NCAM2: variants seen among roughly 807,000 people sequenced by gnomAD.
The protein encoded by NCAM2 is neural cell adhesion molecule 2, also known as N-CAM-2.
In NCAM2, 30 loss-of-function variants were observed where a neutral mutation model predicts 98.1. The observed-to-expected ratio is 0.31, with a 90% CI of 0.23 to 0.41. NCAM2 has a LOEUF of 0.41. Ranked by LOEUF, NCAM2 falls within the 10% of genes least tolerant of loss-of-function variation. The pLI is 1.00. For missense variants in NCAM2, 867 were observed against 1,005.8 expected (o/e 0.86, Z 1.87); for synonymous variants, 368 against 342.4 (o/e 1.07, Z -0.83).
Position 21,118,067 on chromosome 21 carries a change from A to C in NCAM2, c.55+119449A>C, listed in dbSNP as rs144624597. 2.8e-3 allele frequency among the ~76,000 whole-genome samples: 423 copies of C among 152,338 alleles called. 2 individuals are homozygous for C. The highest frequency in any genetic ancestry group is 9.7e-3 in the African/African-American group (404 of 41,576). ...CTCTTGGTGAATGCTAAATTGAAGA[A>C]AATTTTCCAATATTTCCCTGTTAAA... On this transcript the variant is annotated intron_variant, in intron 1 of 17. Coordinates refer to ENST00000400546, the MANE Select transcript of NCAM2 (RefSeq NM_004540.5).
chr21:21,353,789 G>T (rs936227626), intron 8 of NCAM2, among the ~76,000 whole-genome samples: 1 of 152,076 alleles, frequency 6.6e-6, no homozygotes, highest in Non-Finnish European at 1.5e-5. Flanking sequence ...ATTTGGAAAA[G>T]ATTCTTCAAC....
chr21:21,231,218 A>C (rs901877804), intron 1 of NCAM2, among the ~76,000 whole-genome samples: 1 of 151,258 alleles, frequency 6.6e-6, no homozygotes, highest in Non-Finnish European at 1.5e-5. Context: ...GGGAGCAGTA[A>C]ATTTAGCAGA....
chr21:21,265,027 C>CACATATATATTATATATATATG (rs2072130941), intron 1 of NCAM2, among the ~76,000 whole-genome samples: 1 of 6,038 alleles, frequency 1.7e-4, no homozygotes, highest in African/African-American at 7.1e-4. Context: ...ATATATGTGT[C>CACATATATATTATATATATATG]TGTGTATATA....
intron 15 of NCAM2, among the ~76,000 whole-genome samples, chr21:21,479,637 G>T (rs1331520295): frequency 1.4e-5 from 2 of 140,302 alleles, no homozygotes; most frequent in African/African-American, 5.2e-5. Context: ...AACAATACGT[G>T]TAGACAAAAG....
chr21:21,236,355 A>G (rs1311417314), intron 1 of NCAM2, among the ~76,000 whole-genome samples: 1 of 152,014 alleles, frequency 6.6e-6, no homozygotes, highest in Non-Finnish European at 1.5e-5. Flanking sequence ...CCATCAATAA[A>G]TATTTTTAAG....
chr21:21,411,129 T>TATATGTATATATATACACAC lies in NCAM2; in HGVS notation c.1383+672_1383+673insGTATATATATACACACATAT, dbSNP rs1569033718. On this transcript the variant is annotated intron_variant, in intron 10 of 17. Coordinates refer to ENST00000400546, the MANE Select transcript of NCAM2 (RefSeq NM_004540.5). The stretch of plus-strand genomic sequence containing the variant: ...ATATATATGTATATATATATACACA[T>TATATGTATATATATACACAC]ATATATGTATATATATATACATATA... 6.3e-5 allele frequency among the ~76,000 whole-genome samples: 2 copies of TATATGTATATATATACACAC among 31,650 alleles called. 1 individual carries two copies. Among genetic ancestry groups the TATATGTATATATATACACAC allele is most frequent in the East Asian group, 1.2e-3 (2 of 1,618 alleles). 20.8% of individuals were successfully genotyped at this position (31,650 alleles called of 152,430 possible). A position where few individuals can be genotyped will look rare whatever the true frequency, so the allele number is the denominator to read the frequency against.
intron 1 of NCAM2, among the ~76,000 whole-genome samples, chr21:21,170,299 G>A (rs759621278): frequency 6.6e-6 from 1 of 152,124 alleles, no homozygotes; most frequent in Admixed American, 6.5e-5. Context: ...AAAAACCTAC[G>A]TGTGAACATT....
chr21:21,098,971 A>C (rs556186617), intron 1 of NCAM2, among the ~76,000 whole-genome samples: 1 of 151,928 alleles, frequency 6.6e-6, no homozygotes, highest in South Asian at 2.1e-4. Flanking sequence ...AGCACTTATA[A>C]AAAGCTAAGA....
chr21:21,367,992 A>C (rs1315252662), intron 8 of NCAM2, among the ~76,000 whole-genome samples: 1 of 151,900 alleles, frequency 6.6e-6, no homozygotes, highest in African/African-American at 2.4e-5. Flanking sequence ...GTTGGAACCC[A>C]CCTAGTCTCT....
At position 21,123,848 on chromosome 21, in the gene NCAM2, C is replaced by CTTTTTTTTTTTTTTTTTTT. The variant is rs71193401; in HGVS notation, c.55+125247_55+125248insTTTTTTTTTTTTTTTTTTT. The stretch of plus-strand genomic sequence containing the variant: ...GCACATTTGAATTCATTCTTGATTG[C>CTTTTTTTTTTTTTTTTTTT]TTTTTTTTTTTTTTTTTGAGACGGA... On this transcript the variant is annotated intron_variant, in intron 1 of 17. Coordinates refer to ENST00000400546, the MANE Select transcript of NCAM2 (RefSeq NM_004540.5). Among the ~76,000 whole-genome samples, 45 of 86,664 alleles carry CTTTTTTTTTTTTTTTTTTT rather than the reference C, an allele frequency of 5.2e-4. 5 individuals carry two copies. Among genetic ancestry groups the CTTTTTTTTTTTTTTTTTTT allele is most frequent in the Non-Finnish European group, 6.0e-4 (30 of 49,648 alleles). The allele number at this position is 86,664 out of a possible 152,430, so 56.9% of individuals were successfully genotyped here. A position where few individuals can be genotyped will look rare whatever the true frequency, so the allele number is the denominator to read the frequency against.
At position 21,486,495 on chromosome 21, in the gene NCAM2, A is replaced by T. The variant is rs1986401588; in HGVS notation, c.2077+9024A>T. ...CATATTAAATTTCTCGATATTTGAG[A>T]CTGAAGAGTTTATATTGGTTACTAA... is the stretch of plus-strand genomic sequence containing the variant. On this transcript the variant is annotated intron_variant, in intron 15 of 17. Coordinates refer to ENST00000400546, the MANE Select transcript of NCAM2 (RefSeq NM_004540.5). 2.0e-5 allele frequency among the ~76,000 whole-genome samples: 3 copies of T among 152,136 alleles called. No homozygotes were observed. In the South Asian group the frequency reaches 6.2e-4, roughly 31 times the overall value.
chr21:21,081,398 A>G (rs1397728628), intron 1 of NCAM2, among the ~76,000 whole-genome samples: 2 of 152,138 alleles, frequency 1.3e-5, no homozygotes, highest in East Asian at 3.9e-4. Flanking sequence ...CCACCTGACC[A>G]TCACCTGATG....
chr21:21,357,468 C>A (rs923369319), intron 8 of NCAM2, among the ~76,000 whole-genome samples: 1 of 151,844 alleles, frequency 6.6e-6, no homozygotes, highest in Non-Finnish European at 1.5e-5. Context: ...AAAAGGAAAC[C>A]AACAAATCCA....
chr21:21,335,648 C>T lies in NCAM2; in HGVS notation c.881C>T (p.Ala294Val), dbSNP rs529179114. ...TNKAGEDEKQ[A>V]FLQVFVQPHI... ...AAGGCAGGAGAAGATGAAAAGCAAG[C>T]TTTCCTCCAAGTCTTTGGTAAGTAT... is the stretch of plus-strand genomic sequence containing the variant. Residue 294 changes from alanine to valine, a missense_variant, in exon 7 of 18, where the codon GCT becomes GTT. Transcript: ENST00000400546. 1 of 1,606,234 alleles carries T rather than the reference C, an allele frequency of 6.2e-7. No homozygotes were observed. Among genetic ancestry groups the T allele is most frequent in the Non-Finnish European group, 8.5e-7 (1 of 1,176,890 alleles).
Position 21,286,404 on chromosome 21 carries a change from T to C in NCAM2, c.473T>C (p.Ile158Thr), listed in dbSNP as rs1213052199. Residue 158 changes from isoleucine to threonine, a missense_variant, in exon 4 of 18, where the codon ATT becomes ACT. Physicochemically the swap from Ile to Thr is moderately conservative, Grantham distance 89. Transcript: ENST00000400546. ...WLYHNEEVTTISDNRFAMLAN... is the reference protein window; with the variant it reads ...WLYHNEEVTTTSDNRFAMLAN... ...TATCATAATGAGGAAGTCACCACTA[T>C]TTCCGACAGTTAGTATTTTGGTAAC... 1 of 1,611,786 alleles carries C rather than the reference T, an allele frequency of 6.2e-7. No individual in the cohort carries two copies. Among genetic ancestry groups the C allele is most frequent in the Non-Finnish European group, 8.5e-7 (1 of 1,178,634 alleles).
intron 16 of NCAM2, among the ~76,000 whole-genome samples, chr21:21,521,759 C>T (rs534934111): frequency 1.1e-4 from 17 of 151,506 alleles, no homozygotes; most frequent in Non-Finnish European, 2.4e-4. Context: ...AGAAACAGAA[C>T]ATAATATCCA....
intron 1 of NCAM2, among the ~76,000 whole-genome samples, chr21:21,046,296 C>A (rs185190641): frequency 2.0e-3 from 308 of 152,190 alleles, no homozygotes; most frequent in Non-Finnish European, 2.8e-3. Context: ...ATGCAAATGG[C>A]AGGGGATTAG....
intron 1 of NCAM2, among the ~76,000 whole-genome samples, chr21:21,087,551 T>C (rs1385974037): frequency 6.6e-6 from 1 of 152,176 alleles, no homozygotes; most frequent in Admixed American, 6.5e-5. Context: ...GACCTCTCCC[T>C]TGTGGTTCTT....
At chr21:21,075,197 A>G (rs2065654630) in intron 1 of NCAM2, among the ~76,000 whole-genome samples, 1 of 152,108 alleles carries the variant, frequency 6.6e-6, no homozygotes. Context: ...ATGGGTGTGG[A>G]GCTATGTAAG....
Sources: allele counts gnomAD v4.1 joint callset (sites outside exome capture counted in the v4.1 genomes callset), GRCh38; gene constraint gnomAD v4.1.1; transcripts MANE v1.5; gene names NCBI Gene and HGNC (gene_info 2026-07-23, HGNC 2026-07-21).